CCDC196: variants seen among roughly 807,000 people sequenced by gnomAD.
CCDC196 encodes coiled-coil domain-containing protein 196.
intron 2 of CCDC196, among the ~76,000 whole-genome samples, chr14:66,487,026 G>A (rs145910826): frequency 5.3e-5 from 8 of 151,672 alleles, no homozygotes; most frequent in East Asian, 1.9e-4. Context: ...CCCTCATTTC[G>A]TGGGGCTAGT....
intron 8 of CCDC196, among the ~76,000 whole-genome samples, chr14:66,494,446 G>T (rs2057614266): frequency 6.6e-6 from 1 of 152,032 alleles, no homozygotes; most frequent in East Asian, 1.9e-4. Context: ...AACCTATTTG[G>T]TAATAATTTC....
chr14:66,494,687 C>G (rs180979471), intron 8 of CCDC196: 2 of 152,046 alleles, frequency 1.3e-5, no homozygotes, highest in Admixed American at 1.3e-4. Context: ...AATACATAAG[C>G]CTGAGATCTA....
rs577381520 is a variant in CCDC196 at position 66,496,265 on chromosome 14, A to C, written c.716-1844A>C. 247 of 456,280 alleles carry C rather than the reference A, an allele frequency of 5.4e-4. 1 individual carries two copies. The highest frequency in any genetic ancestry group is 4.7e-3 in the African/African-American group (236 of 50,198). 28.3% of individuals were successfully genotyped at this position (456,280 alleles called of 1,614,324 possible). ...TCCAAGTAGATGAAGAGTTTACCTC[A>C]GTACTCTTAGCCAAGAATTCCTCCT... On this transcript the variant is annotated intron_variant, in intron 8 of 9. Transcript: ENST00000636229.
intron 3 of CCDC196, among the ~76,000 whole-genome samples, 171 bp downstream of exon 3, chr14:66,488,427 T>A (rs1451442232): frequency 2.0e-5 from 3 of 152,146 alleles, no homozygotes; most frequent in Non-Finnish European, 2.9e-5. Context: ...TCAGATGGAA[T>A]GTTGGGAAGA....
chr14:66,490,179 C>T (rs1350180684), intron 4 of CCDC196, among the ~76,000 whole-genome samples: 1 of 152,050 alleles, frequency 6.6e-6, no homozygotes, highest in Non-Finnish European at 1.5e-5. Flanking sequence ...AGCACAATTC[C>T]TCTATCTAAA....
intron 8 of CCDC196, among the ~76,000 whole-genome samples, chr14:66,492,439 T>C (rs918854787): frequency 6.6e-6 from 1 of 151,856 alleles, no homozygotes; most frequent in Non-Finnish European, 1.5e-5. Flanking sequence ...GGGTCCCAGT[T>C]CAAGCAATTC....
chr14:66,488,091 C>A, intron 2 of CCDC196, 69 bp from the exon 3 acceptor site: 1 of 410,626 alleles, frequency 2.4e-6, no homozygotes. Flanking sequence ...TACTTTCTGA[C>A]TAGTTGCAGA....
At position 66,492,066 on chromosome 14, in the gene CCDC196, G is replaced by T. The variant is rs1198504535; in HGVS notation, c.587G>T (p.Gly196Val). 3 of 413,274 alleles carry T rather than the reference G, an allele frequency of 7.3e-6. No homozygotes were observed. The highest frequency in any genetic ancestry group is 6.2e-5 in the African/African-American group (3 of 48,606). 25.6% of individuals were successfully genotyped at this position (413,274 alleles called of 1,614,324 possible). Residue 196 changes from glycine to valine, a missense_variant, in exon 8 of 10, where the codon GGC becomes GTC. Physicochemically the swap from Gly to Val is moderately radical, Grantham distance 109 (BLOSUM62 -3). Transcript: ENST00000636229. ...ATTCTCTTTCAGAATGATTTTCATG[G>T]CAAAGTGATTGAGCTGAGAATTGAA... ...QNNILQNDFH[G>V]KVIELRIEAL...
intron 8 of CCDC196, among the ~76,000 whole-genome samples, chr14:66,492,453 T>C (rs1313075379): frequency 2.0e-5 from 3 of 151,878 alleles, no homozygotes; most frequent in Admixed American, 2.0e-4. Flanking sequence ...GCAATTCTCC[T>C]GCCTCAGCCT....
In CCDC196 at chr14:66,492,115, C is replaced by T. The variant is rs116912418; in HGVS notation, c.636C>T (p.Ala212=). Residue 212 remains alanine (A), a synonymous_variant, in exon 8 of 10, where the codon GCC becomes GCT. Coordinates refer to ENST00000636229, the MANE Select transcript of CCDC196 (RefSeq NM_001351576.1). ...RIEALKNYQK[A]NDLKLSLYLQ... is the part of the protein sequence containing the mutation. The stretch of plus-strand genomic sequence containing the variant: ...AAGCCTTGAAGAACTACCAGAAGGC[C>T]AATGACCTGAAATTATCACTGTATT... The T allele has an allele frequency of 2.7e-5, 11 of 413,570 alleles. No individual in the cohort carries two copies. The East Asian group carries it at 3.6e-4, about 13-fold the overall frequency. 25.6% of individuals were successfully genotyped at this position (413,570 alleles called of 1,614,324 possible).
intron 4 of CCDC196, among the ~76,000 whole-genome samples, chr14:66,489,890 G>A (rs556045221): frequency 3.3e-5 from 5 of 152,284 alleles, no homozygotes; most frequent in South Asian, 2.1e-4. Flanking sequence ...TCCCTTGTCC[G>A]AGACTTTGTC....
chr14:66,487,079 A>G (rs1047464689), intron 2 of CCDC196, among the ~76,000 whole-genome samples: 1 of 152,136 alleles, frequency 6.6e-6, no homozygotes, highest in African/African-American at 2.4e-5. Flanking sequence ...GAAATAGTGA[A>G]ACGCTTTTAA....
intron 8 of CCDC196, among the ~76,000 whole-genome samples, chr14:66,493,476 G>T (rs954455091): frequency 6.6e-6 from 1 of 152,124 alleles, no homozygotes; most frequent in African/African-American, 2.4e-5. Context: ...AATGGGGGCA[G>T]GACATTGTTT....
At chr14:66,493,722 C>T (rs1346514547) in intron 8 of CCDC196, 1 of 152,108 alleles carries the variant, frequency 6.6e-6, no homozygotes, top group Non-Finnish European at 1.5e-5. Flanking sequence ...ACTGACTATC[C>T]TTCAGGCAGT....
At chr14:66,493,304 T>C (rs1022046329) in intron 8 of CCDC196, among the ~76,000 whole-genome samples, 16 of 152,192 alleles carry the variant, frequency 1.1e-4, no homozygotes, top group African/African-American at 3.9e-4. Flanking sequence ...GAGAGTACTG[T>C]ACAGCTGGCA....
rs1349029586 is a variant in CCDC196, at chr14:66,491,542, G to C, written c.514-84G>C. On this transcript the variant is annotated intron_variant, in intron 6 of 9. Transcript: ENST00000636229. ...AGTAAATCTGCGACACTATAATTTTGCTATAAGGCTTTTGCAGCATATTGA... is the reference window on the plus strand; with the variant it reads ...AGTAAATCTGCGACACTATAATTTTCCTATAAGGCTTTTGCAGCATATTGA... 1.5e-5 allele frequency: 6 copies of C among 412,618 alleles called. No homozygotes were observed. The Admixed American group carries it at 1.8e-4, about 12-fold the overall frequency. 25.6% of individuals were successfully genotyped at this position (412,618 alleles called of 1,614,324 possible). A position where few individuals can be genotyped will look rare whatever the true frequency, so the allele number is the denominator to read the frequency against.
chr14:66,487,520 G>T (rs1163866205), intron 2 of CCDC196, among the ~76,000 whole-genome samples: 6 of 152,188 alleles, frequency 3.9e-5, no homozygotes, highest in Admixed American at 3.9e-4. Flanking sequence ...CAAAGTCTTA[G>T]AATTGTGTTC....
At chr14:66,493,468 T>C (rs1208258434) in intron 8 of CCDC196, among the ~76,000 whole-genome samples, 9 of 152,164 alleles carry the variant, frequency 5.9e-5, no homozygotes, top group African/African-American at 1.9e-4. Flanking sequence ...GTCCATATAA[T>C]GGGGGCAGGA....
intron 4 of CCDC196, among the ~76,000 whole-genome samples, chr14:66,489,951 G>C (rs1433077468): frequency 2.0e-5 from 3 of 152,144 alleles, no homozygotes; most frequent in African/African-American, 7.2e-5. Context: ...TATGCAACTA[G>C]AAGAGTAGAC....
Sources: gnomAD v4.1 joint callset for allele counts (sites outside exome capture counted in the v4.1 genomes callset) on GRCh38, gnomAD v4.1.1 for gene constraint, MANE v1.5 for transcripts, NCBI Gene and HGNC (gene_info 2026-07-23, HGNC 2026-07-21) for gene names.